ZSWIM6: variants seen among roughly 807,000 people sequenced by gnomAD.
ZSWIM6 encodes the protein zinc finger SWIM-type containing 6.
In ZSWIM6, 9 loss-of-function variants were observed where a neutral mutation model predicts 113.2. That is an observed-to-expected ratio of 0.08 (90% confidence interval 0.05 to 0.14). ZSWIM6 has a LOEUF of 0.14. ZSWIM6 is among the 10% of genes least tolerant of loss of function. The pLI, the probability that ZSWIM6 is intolerant of heterozygous loss-of-function variation, is 1.00. For missense variants in ZSWIM6, 1,162 were observed against 1,552.2 expected (o/e 0.75, Z 4.22); for synonymous variants, 611 against 606.5 (o/e 1.01, Z -0.11).
At chr5:61,419,943 A>G (rs1173760428) in intron 1 of ZSWIM6, among the ~76,000 whole-genome samples, 1 of 152,240 alleles carries the variant, frequency 6.6e-6, no homozygotes, top group Non-Finnish European at 1.5e-5. Flanking sequence ...TTGAGATCCA[A>G]CTTTGCCCTT....
chr5:61,391,101 C>T (rs1745698863), intron 1 of ZSWIM6: 1 of 745,532 alleles, frequency 1.3e-6, no homozygotes, highest in Admixed American at 1.8e-5. Context: ...GGGCAGGATG[C>T]TGTGTCCCAG....
intron 1 of ZSWIM6, among the ~76,000 whole-genome samples, chr5:61,439,621 T>C (rs774382641): frequency 2.8e-4 from 43 of 152,224 alleles, no homozygotes; most frequent in Non-Finnish European, 5.7e-4. Context: ...TAGCATACTT[T>C]ATTTGTTCTA....
At chr5:61,541,161 C>T (rs912882195) in intron 12 of ZSWIM6, among the ~76,000 whole-genome samples, 4 of 151,992 alleles carry the variant, frequency 2.6e-5, no homozygotes, top group Non-Finnish European at 5.9e-5. Context: ...CCAGGCTGGT[C>T]TCAAACTCCT....
chr5:61,442,570 A>G (rs1746863265), intron 1 of ZSWIM6, among the ~76,000 whole-genome samples: 1 of 152,196 alleles, frequency 6.6e-6, no homozygotes, highest in South Asian at 2.1e-4. Flanking sequence ...CTTCAGTCCC[A>G]TATACTTGGC....
chr5:61,467,864 T>A (rs913419295), intron 1 of ZSWIM6, among the ~76,000 whole-genome samples: 1 of 152,156 alleles, frequency 6.6e-6, no homozygotes, highest in Admixed American at 6.5e-5. Context: ...CTCACTTAAC[T>A]GAGACATTCT....
In ZSWIM6 at chr5:61,472,682, T is replaced by C. The variant is rs2112184415; in HGVS notation, c.678T>C (p.Gly226=). 1 of 1,511,486 alleles carries C rather than the reference T, an allele frequency of 6.6e-7. No individual in the cohort carries two copies. Among genetic ancestry groups the C allele is most frequent in the African/African-American group, 1.4e-5 (1 of 72,132 alleles). 93.6% of individuals were successfully genotyped at this position (1,511,486 alleles called of 1,614,324 possible). Residue 226 remains glycine, a splice_region_variant and synonymous_variant, in exon 2 of 14, where the codon GGT becomes GGC. Coordinates refer to ENST00000252744, the MANE Select transcript of ZSWIM6 (RefSeq NM_020928.2). This position sits in a 1 kb window ranked among gnomAD's most constrained non-coding sequence, Gnocchi z 4.1. ...CCCTTTCTTTCTTTCACCCTCAAGGTTTCCACTTGAGCGGCACAGTGACAG... is the reference window on the plus strand; with the variant it reads ...CCCTTTCTTTCTTTCACCCTCAAGGCTTCCACTTGAGCGGCACAGTGACAG... ...SGCVDNVLQV[G]FHLSGTVTEP...
intron 1 of ZSWIM6, among the ~76,000 whole-genome samples, chr5:61,444,484 A>G (rs866651554): frequency 4.6e-5 from 7 of 152,300 alleles, no homozygotes; most frequent in Middle Eastern, 6.8e-3. Context: ...TGCTGGGTCA[A>G]ATGGTATTTC....
intron 1 of ZSWIM6, among the ~76,000 whole-genome samples, chr5:61,440,805 C>T (rs564197061): frequency 6.6e-5 from 10 of 152,168 alleles, no homozygotes; most frequent in Non-Finnish European, 1.5e-4. Flanking sequence ...GCGTGCCAGC[C>T]ATGTGCCTGG....
At chr5:61,403,084 G>A (rs1745972055) in intron 1 of ZSWIM6, among the ~76,000 whole-genome samples, 1 of 152,222 alleles carries the variant, frequency 6.6e-6, no homozygotes, top group Non-Finnish European at 1.5e-5. Flanking sequence ...CTGTTTACAA[G>A]TGGATGTCAC....
In ZSWIM6 at chr5:61,362,887, C is replaced by T. The variant is rs532011344; in HGVS notation, c.676+29939C>T. Among the ~76,000 whole-genome samples the T allele has an allele frequency of 3.9e-5, 6 of 152,346 alleles. No individual in the cohort carries two copies. The East Asian group carries it at 9.6e-4, about 24-fold the overall frequency. On this transcript the variant is annotated intron_variant, in intron 1 of 13. Coordinates refer to ENST00000252744, the MANE Select transcript of ZSWIM6 (RefSeq NM_020928.2). Reference sequence around the variant, plus strand: ...TACATCACAACCCAGTACACACATACGTTACTATAAATAACAGAAACAGAT... The same window carrying T: ...TACATCACAACCCAGTACACACATATGTTACTATAAATAACAGAAACAGAT...
At chr5:61,529,500 G>T (rs1302101213) in intron 7 of ZSWIM6, among the ~76,000 whole-genome samples, 4 of 152,174 alleles carry the variant, frequency 2.6e-5, no homozygotes, top group African/African-American at 9.7e-5. Context: ...GTAATTTAAG[G>T]ATATTCATGT....
At chr5:61,387,914 G>A (rs879493973) in intron 1 of ZSWIM6, among the ~76,000 whole-genome samples, 1 of 149,114 alleles carries the variant, frequency 6.7e-6, no homozygotes, top group African/African-American at 2.5e-5. Context: ...CCCTCTTTGA[G>A]GGGGGGAGAA....
At chr5:61,533,404 A>C (rs1370793133) in intron 9 of ZSWIM6, among the ~76,000 whole-genome samples, 1 of 152,238 alleles carries the variant, frequency 6.6e-6, no homozygotes, top group African/African-American at 2.4e-5. Context: ...GGAGTAACCC[A>C]GTATTGTTGC....
chr5:61,439,779 C>T (rs760257026), intron 1 of ZSWIM6, among the ~76,000 whole-genome samples: 15 of 152,022 alleles, frequency 9.9e-5, no homozygotes, highest in Admixed American at 6.6e-4. Context: ...AGAGAATATA[C>T]GTAGCTTTTA....
At chr5:61,362,355 T>C (rs1745048254) in intron 1 of ZSWIM6, among the ~76,000 whole-genome samples, 1 of 152,106 alleles carries the variant, frequency 6.6e-6, no homozygotes, top group South Asian at 2.1e-4. Context: ...TGCGCCACCA[T>C]GCTGGCTAAT....
At chr5:61,450,101 T>A (rs1747056164) in intron 1 of ZSWIM6, among the ~76,000 whole-genome samples, 1 of 152,200 alleles carries the variant, frequency 6.6e-6, no homozygotes, top group South Asian at 2.1e-4. Flanking sequence ...AACCTCTTCT[T>A]AGAAATTCAA....
At chr5:61,471,001 A>G (rs1256018846) in intron 1 of ZSWIM6, among the ~76,000 whole-genome samples, 1 of 152,194 alleles carries the variant, frequency 6.6e-6, no homozygotes, top group Non-Finnish European at 1.5e-5. Context: ...TCTGGCCATC[A>G]TTCTTGAGTT....
rs188931169 is a variant in ZSWIM6, at chr5:61,521,927, A to G, written c.1513+485A>G. Among the ~76,000 whole-genome samples, 26 of 152,316 alleles carry G rather than the reference A, an allele frequency of 1.7e-4. 1 individual carries two copies. The highest frequency in any genetic ancestry group is 6.3e-4 in the African/African-American group (26 of 41,570). ...ATATTTTATGACTCGACTGAAGGAC[A>G]TAGAATGCTGTTGACATTTTACTGG... On this transcript the variant is annotated intron_variant, in intron 5 of 13. Coordinates refer to ENST00000252744, the MANE Select transcript of ZSWIM6 (RefSeq NM_020928.2).
intron 1 of ZSWIM6, among the ~76,000 whole-genome samples, chr5:61,438,862 G>A (rs1330926247): frequency 6.6e-6 from 1 of 152,142 alleles, no homozygotes; most frequent in Non-Finnish European, 1.5e-5. Context: ...GTGCTGAGAT[G>A]TGCTTTTTAA....
Sources: gnomAD v4.1 joint callset for allele counts (sites outside exome capture counted in the v4.1 genomes callset) on GRCh38, gnomAD v4.1.1 for gene constraint, Gnocchi (gnomAD v3.1) non-coding constraint, MANE v1.5 for transcripts, NCBI Gene and HGNC (gene_info 2026-07-23, HGNC 2026-07-21) for gene names.